The following TRHDE variants were observed in gnomAD, a reference collection of about 807,000 sequenced individuals.
TRHDE encodes thyrotropin releasing hormone degrading enzyme.
A neutral mutation model predicts 125.7 loss-of-function variants in TRHDE; 72 were observed. The observed-to-expected ratio is 0.57, with a 90% CI of 0.47 to 0.70. TRHDE has a LOEUF of 0.70. Among genes scored for constraint, TRHDE ranks in the 30% least tolerant of loss-of-function variants. The pLI is 0.00. For missense variants in TRHDE, 1,110 were observed against 1,327.1 expected (o/e 0.84, Z 2.54); for synonymous variants, 509 against 509.1 (o/e 1.00, Z 0.00).
chr12:72,197,255 A>T (rs924439297), intron 2 of TRHDE, among the ~76,000 whole-genome samples: 2 of 152,054 alleles, frequency 1.3e-5, no homozygotes, highest in African/African-American at 4.8e-5. Context: ...CTCAAGTATC[A>T]CATCGCAGTG....
intron 14 of TRHDE, 90 bp from the exon 15 acceptor site, chr12:72,621,554 T>A: frequency 2.0e-6 from 2 of 998,158 alleles, no homozygotes; most frequent in South Asian, 3.1e-5. Context: ...CTAAAAACCA[T>A]TTTTATGTTA....
chr12:72,251,253 A>C (rs572081675), intron 2 of TRHDE, among the ~76,000 whole-genome samples: 1 of 152,122 alleles, frequency 6.6e-6, no homozygotes, highest in African/African-American at 2.4e-5. Context: ...TCCCATCACC[A>C]TAAGGGTCCC....
At chr12:72,129,465 A>C (rs1393024996) in intron 2 of TRHDE, among the ~76,000 whole-genome samples, 3 of 152,238 alleles carry the variant, frequency 2.0e-5, no homozygotes, top group African/African-American at 7.2e-5. Flanking sequence ...TGTAAATTGT[A>C]ATAAGCCTTC....
At chr12:72,605,240 G>A (rs1243143574) in intron 12 of TRHDE, among the ~76,000 whole-genome samples, 1 of 151,984 alleles carries the variant, frequency 6.6e-6, no homozygotes, top group Admixed American at 6.6e-5. Context: ...ATTTCAAAAC[G>A]CTTTCAGAGT....
intron 3 of TRHDE, among the ~76,000 whole-genome samples, chr12:72,422,906 A>T (rs1874020973): frequency 6.6e-6 from 1 of 152,078 alleles, no homozygotes; most frequent in South Asian, 2.1e-4. Context: ...CTATGTAATG[A>T]CCCAAGACCT....
At position 72,424,219 on chromosome 12, in the gene TRHDE, T is replaced by C. The variant is rs553089233; in HGVS notation, c.1316-45539T>C. Among the ~76,000 whole-genome samples the C allele has an allele frequency of 3.9e-5, 6 of 152,294 alleles. No individual in the cohort carries two copies. The East Asian group carries it at 1.2e-3, about 29-fold the overall frequency. On this transcript the variant is annotated intron_variant, in intron 3 of 18. Transcript: ENST00000261180. ...CCTGGCTTCTGGTGGTGGCCATTGA[T>C]ACTTGGTGGTCCTTGGCTTGCCGTT... is the stretch of plus-strand genomic sequence containing the variant.
chr12:72,657,302 C>T (rs1366779117), intron 18 of TRHDE, among the ~76,000 whole-genome samples: 4 of 152,120 alleles, frequency 2.6e-5, no homozygotes, highest in Non-Finnish European at 5.9e-5. Flanking sequence ...TCAAATGATT[C>T]TATTAACCCA....
chr12:72,151,612 A>G (rs1876367831), intron 2 of TRHDE, among the ~76,000 whole-genome samples: 1 of 151,638 alleles, frequency 6.6e-6, no homozygotes, highest in African/African-American at 2.4e-5. Flanking sequence ...CTTTCTACAT[A>G]TGGCTAGCCA....
chr12:72,315,379 T>C (rs1485350116), intron 2 of TRHDE, among the ~76,000 whole-genome samples: 2 of 152,190 alleles, frequency 1.3e-5, no homozygotes, highest in Non-Finnish European at 2.9e-5. Context: ...ATGGAACAAG[T>C]AGTTTAGATT....
chr12:72,134,909 C>T (rs1875946495), intron 2 of TRHDE, among the ~76,000 whole-genome samples: 1 of 151,970 alleles, frequency 6.6e-6, no homozygotes, highest in South Asian at 2.1e-4. Context: ...TGTGATACTG[C>T]CTTAATTATT....
intron 3 of TRHDE, among the ~76,000 whole-genome samples, chr12:72,406,189 C>T (rs957952817): frequency 2.0e-5 from 3 of 152,064 alleles, no homozygotes; most frequent in South Asian, 2.1e-4. Context: ...AAGAATGTGC[C>T]GTGACAAATC....
At chr12:72,333,926 T>A (rs1349478180) in intron 2 of TRHDE, among the ~76,000 whole-genome samples, 1 of 152,198 alleles carries the variant, frequency 6.6e-6, no homozygotes, top group Non-Finnish European at 1.5e-5. Context: ...AGAAGTGATG[T>A]TTTATGGTCC....
chr12:72,155,164 C>G (rs1041099359), intron 2 of TRHDE, among the ~76,000 whole-genome samples: 1 of 152,036 alleles, frequency 6.6e-6, no homozygotes, highest in Non-Finnish European at 1.5e-5. Context: ...TCACTGATAC[C>G]CTTTCTTCCA....
intron 2 of TRHDE, among the ~76,000 whole-genome samples, chr12:72,341,314 T>C (rs1870077964): frequency 6.6e-6 from 1 of 150,806 alleles, no homozygotes; most frequent in African/African-American, 2.4e-5. Context: ...CCCCGCCCTG[T>C]GTCCAAGTGA....
intron 15 of TRHDE, among the ~76,000 whole-genome samples, chr12:72,622,453 A>G (rs1190809526): frequency 6.6e-6 from 1 of 152,018 alleles, no homozygotes. Context: ...GTATTAATGT[A>G]CCATTTCTTT....
chr12:72,563,025 A>C lies in TRHDE; in HGVS notation c.2027A>C (p.Lys676Thr). Residue 676 changes from lysine (K) to threonine (T), a missense_variant, in exon 9 of 19, where the codon AAA (lysine) becomes ACA (threonine). Around this residue, in one of 5 missense-constraint regions of TRHDE, gnomAD observed 527 missense variants for 651.8 expected, o/e 0.81. Transcript: ENST00000261180. ...YDISAKTKAL[K>T]LQNNSYLWQI... ...ATCAGTGCTAAAACTAAAGCACTTA[A>C]ACTTCAGAATAACAGGTATGACATT... 1 of 1,595,958 alleles carries C rather than the reference A, an allele frequency of 6.3e-7. No individual in the cohort carries two copies.
At position 72,668,303 on chromosome 12, in the gene TRHDE, A is replaced by G. The variant is rs1435665648; in HGVS notation, c.*5108A>G. The G allele has an allele frequency of 6.6e-6, 1 of 151,774 alleles. No individual in the cohort carries two copies. The highest frequency in any genetic ancestry group is 1.5e-5 in the Non-Finnish European group (1 of 67,754). 9.4% of individuals were successfully genotyped at this position (151,774 alleles called of 1,614,324 possible). ...ACTGTCTTAAATATTTAATAAAAGC[A>G]GTTGTTAAAAATATATGTTCTAATG... On this transcript the variant is annotated 3_prime_UTR_variant, in exon 19 of 19. Transcript: ENST00000261180.
chr12:72,250,595 T>G (rs1489952134), intron 2 of TRHDE, among the ~76,000 whole-genome samples: 1 of 152,018 alleles, frequency 6.6e-6, no homozygotes, highest in Non-Finnish European at 1.5e-5. Flanking sequence ...ATCTTTCTAT[T>G]AAGTTGCAAA....
intron 2 of TRHDE, among the ~76,000 whole-genome samples, chr12:72,335,953 C>T (rs1256278679): frequency 6.6e-6 from 1 of 152,024 alleles, no homozygotes; most frequent in African/African-American, 2.4e-5. Flanking sequence ...ACATTTAACA[C>T]ATTAAAAAAA....
Sources: gnomAD v4.1 joint callset for allele counts (sites outside exome capture counted in the v4.1 genomes callset) on GRCh38, gnomAD v4.1.1 for gene constraint, gnomAD v4.1.1 regional missense constraint, MANE v1.5 for transcripts, NCBI Gene and HGNC (gene_info 2026-07-23, HGNC 2026-07-21) for gene names.